ENDOD1: variants seen among roughly 807,000 people sequenced by gnomAD.
ENDOD1 encodes the protein endonuclease domain containing 1.
In ENDOD1, 9 loss-of-function variants were observed where a neutral mutation model predicts 6.5. The ratio of observed to expected loss-of-function variants is 1.39; its 90% CI spans 0.84 to 2.43. The LOEUF (loss-of-function observed/expected upper bound fraction) is 2.43. ENDOD1 is among the 30% of genes most tolerant of loss of function. The pLI is 0.00. For missense variants in ENDOD1, 648 were observed against 635.5 expected (o/e 1.02, Z -0.21); for synonymous variants, 255 against 255.2 (o/e 1.00, Z 0.01).
intron 1 of ENDOD1, among the ~76,000 whole-genome samples, chr11:95,118,093 G>A (rs1859228062): frequency 6.6e-6 from 1 of 151,990 alleles, no homozygotes; most frequent in South Asian, 2.1e-4. Context: ...ACTTTTTATT[G>A]TTTCTATTTA....
chr11:95,093,410 C>G (rs1238268047), intron 1 of ENDOD1, among the ~76,000 whole-genome samples: 4 of 152,196 alleles, frequency 2.6e-5, no homozygotes, highest in African/African-American at 9.7e-5. Flanking sequence ...TTACTCCATC[C>G]TTTAAGACTC....
intron 1 of ENDOD1, among the ~76,000 whole-genome samples, chr11:95,100,513 G>A (rs1175862458): frequency 6.6e-6 from 1 of 152,100 alleles, no homozygotes; most frequent in Non-Finnish European, 1.5e-5. Context: ...TTTTGAGACA[G>A]GGTCTTGCTC....
At chr11:95,116,095 T>A (rs185827815) in intron 1 of ENDOD1, among the ~76,000 whole-genome samples, 5 of 152,312 alleles carry the variant, frequency 3.3e-5, no homozygotes, top group Admixed American at 3.3e-4. Flanking sequence ...CTGGTAGAAT[T>A]CAGCAGTGAA....
intron 1 of ENDOD1, among the ~76,000 whole-genome samples, chr11:95,110,325 C>T (rs1555111780): frequency 1.3e-5 from 2 of 152,212 alleles, no homozygotes; most frequent in African/African-American, 4.8e-5. Flanking sequence ...TCCCCTTGCT[C>T]TGCCCATCTT....
intron 1 of ENDOD1, among the ~76,000 whole-genome samples, chr11:95,123,351 A>G (rs1376328353): frequency 1.3e-5 from 2 of 151,924 alleles, no homozygotes; most frequent in Non-Finnish European, 2.9e-5. Context: ...AGATAGAAAT[A>G]CCTGCATGAA....
chr11:95,129,736 T>C lies in ENDOD1; in HGVS notation c.*157T>C, dbSNP rs1859352684. ...CAAAAGAAGATGGCAGAATTTAGAC[T>C]TGACAGAGGAGAAATGCTCAGGGTG... is the stretch of plus-strand genomic sequence containing the variant. On this transcript the variant is annotated 3_prime_UTR_variant, in exon 2 of 2. Transcript: ENST00000278505. The C allele has an allele frequency of 6.8e-6, 5 of 735,072 alleles. No homozygotes were observed. The highest frequency in any genetic ancestry group is 3.7e-5 in the South Asian group (2 of 53,338). The allele number at this position is 735,072 out of a possible 1,614,324, so 45.5% of individuals were successfully genotyped here. A position where few individuals can be genotyped will look rare whatever the true frequency, so the allele number is the denominator to read the frequency against.
chr11:95,097,284 G>A (rs949884656), intron 1 of ENDOD1, among the ~76,000 whole-genome samples: 11 of 152,296 alleles, frequency 7.2e-5, no homozygotes, highest in Middle Eastern at 3.4e-3. Context: ...GATCACTGAG[G>A]AGTTGACTTT....
intron 1 of ENDOD1, among the ~76,000 whole-genome samples, chr11:95,121,378 C>T (rs973926704): frequency 3.3e-5 from 5 of 152,020 alleles, no homozygotes; most frequent in African/African-American, 1.2e-4. Flanking sequence ...TTAGCTCAGC[C>T]CCTTCCTGAT....
intron 1 of ENDOD1, among the ~76,000 whole-genome samples, chr11:95,118,580 T>C (rs1221036052): frequency 6.6e-6 from 1 of 152,092 alleles, no homozygotes; most frequent in Non-Finnish European, 1.5e-5. Flanking sequence ...CTGTTGCTGC[T>C]TTTAGGATTC....
At chr11:95,124,057 A>T (rs1421768959) in intron 1 of ENDOD1, among the ~76,000 whole-genome samples, 1 of 152,242 alleles carries the variant, frequency 6.6e-6, no homozygotes, top group Non-Finnish European at 1.5e-5. Flanking sequence ...GCAACAAAAT[A>T]AACTGAAAAA....
In ENDOD1 at chr11:95,090,032, C is replaced by T. The variant is rs1555109647; in HGVS notation, c.105C>T (p.Asp35=). 1 of 1,597,208 alleles carries T rather than the reference C, an allele frequency of 6.3e-7. No individual in the cohort carries two copies. Among genetic ancestry groups the T allele is most frequent in the Non-Finnish European group, 8.5e-7 (1 of 1,173,340 alleles). The change falls in exon 1 of 2, where the codon GAC becomes GAT. Residue 35 remains aspartate (D), a synonymous_variant. Coordinates refer to ENST00000278505, the MANE Select transcript of ENDOD1 (RefSeq NM_015036.3). ...GEEEAGFGEC[D]KFFYAGTPPA... ...AGGAAGCCGGCTTTGGCGAATGTGA[C>T]AAGTTCTTCTACGCCGGGACCCCGC...
chr11:95,107,737 T>C (rs1292151514), intron 1 of ENDOD1, among the ~76,000 whole-genome samples: 4 of 152,126 alleles, frequency 2.6e-5, no homozygotes, highest in Non-Finnish European at 4.4e-5. Context: ...CTCGGCTCAC[T>C]GCAACTTCTG....
chr11:95,091,634 G>A (rs1289106477), intron 1 of ENDOD1, among the ~76,000 whole-genome samples: 1 of 152,192 alleles, frequency 6.6e-6, no homozygotes, highest in Non-Finnish European at 1.5e-5. Context: ...GGACAGCTTG[G>A]GGAGACAGAA....
chr11:95,125,951 A>G (rs149449573), intron 1 of ENDOD1, among the ~76,000 whole-genome samples: 5,038 of 152,232 alleles, frequency 0.033, 129 homozygotes, highest in Non-Finnish European at 0.05. Flanking sequence ...TCCTTTGGGT[A>G]TATACCTAGT....
chr11:95,105,086 A>G (rs1859076876), intron 1 of ENDOD1, among the ~76,000 whole-genome samples: 1 of 152,222 alleles, frequency 6.6e-6, no homozygotes, highest in African/African-American at 2.4e-5. Flanking sequence ...TATATCTCCC[A>G]GGACCGGGTG....
intron 1 of ENDOD1, among the ~76,000 whole-genome samples, chr11:95,103,860 A>G (rs1555111170): frequency 6.6e-6 from 1 of 152,242 alleles, no homozygotes; most frequent in Non-Finnish European, 1.5e-5. Flanking sequence ...TATGTTAAGC[A>G]TGTTGAATGA....
At chr11:95,120,704 C>T (rs942176850) in intron 1 of ENDOD1, among the ~76,000 whole-genome samples, 1 of 152,064 alleles carries the variant, frequency 6.6e-6, no homozygotes, top group African/African-American at 2.4e-5. Context: ...CCCTCTAGAT[C>T]ACTGGTTCTG....
rs575598007 is a variant in ENDOD1 at position 95,114,317 on chromosome 11, C to G, written c.301-14060C>G. Among the ~76,000 whole-genome samples the G allele has an allele frequency of 3.9e-5, 6 of 152,046 alleles. No individual in the cohort carries two copies. The East Asian group carries it at 1.2e-3, about 29-fold the overall frequency. Reference sequence around the variant, plus strand: ...AGAGACGGGGTTTCACTATGTCGCCCAGGCTGATTGCCCATTTTTAAATTG... The same window carrying G: ...AGAGACGGGGTTTCACTATGTCGCCGAGGCTGATTGCCCATTTTTAAATTG... On this transcript the variant is annotated intron_variant, in intron 1 of 1. Transcript: ENST00000278505.
chr11:95,092,635 C>T (rs641330), intron 1 of ENDOD1, among the ~76,000 whole-genome samples: 120,959 of 152,058 alleles, frequency 0.8, 49,374 homozygotes, highest in East Asian at 0.93. Flanking sequence ...TGCAAGGTGG[C>T]TGGCCTCCCA....
Sources: gnomAD v4.1 joint callset for allele counts (sites outside exome capture counted in the v4.1 genomes callset) on GRCh38, gnomAD v4.1.1 for gene constraint, MANE v1.5 for transcripts, NCBI Gene and HGNC (gene_info 2026-07-23, HGNC 2026-07-21) for gene names.